The following SEMA3A variants were observed in gnomAD, a reference collection of about 807,000 sequenced individuals.
SEMA3A encodes semaphorin-3A.
SEMA3A carries 29 observed loss-of-function variants against 97.9 expected under a neutral mutation model. The observed-to-expected ratio is 0.30, with a 90% CI of 0.22 to 0.40. The LOEUF is 0.40. SEMA3A is among the 10% of genes least tolerant of loss of function. The probability of loss-of-function intolerance (pLI) is 1.00; values close to 1 mark genes in which losing one functional copy is unlikely to be tolerated. For synonymous variants in SEMA3A, 321 were observed against 323.7 expected (o/e 0.99, Z 0.09); for missense variants, 763 against 951.3 (o/e 0.80, Z 2.60).
intron 4 of SEMA3A, among the ~76,000 whole-genome samples, chr7:84,102,983 A>G (rs1795003104): frequency 1.3e-5 from 2 of 152,108 alleles, no homozygotes; most frequent in African/African-American, 4.8e-5. Context: ...AACTAAGTAT[A>G]TGCTCTTTAT....
chr7:84,026,445 A>G (rs572877984), intron 6 of SEMA3A, among the ~76,000 whole-genome samples: 1 of 152,316 alleles, frequency 6.6e-6, no homozygotes, highest in African/African-American at 2.4e-5. Context: ...GACCTCTAGA[A>G]AGAGTCCCCT....
In SEMA3A at chr7:84,058,070, A is replaced by T. The variant is rs536631704; in HGVS notation, c.547+2395T>A. Among the ~76,000 whole-genome samples, 12 of 152,102 alleles carry T rather than the reference A, an allele frequency of 7.9e-5. No individual in the cohort carries two copies. The South Asian group carries it at 2.1e-3, about 26-fold the overall frequency. On this transcript the variant is annotated intron_variant, in intron 5 of 16. Coordinates refer to ENST00000265362, the MANE Select transcript of SEMA3A (RefSeq NM_006080.3). Reference sequence around the variant, plus strand: ...TTAAAGTTTACTACTGTTTGAAACTACTTCTTTCCTAGTGGGATTGGTGGT... The same window carrying T: ...TTAAAGTTTACTACTGTTTGAAACTTCTTCTTTCCTAGTGGGATTGGTGGT...
At chr7:84,146,855 T>C (rs1796476494) in intron 1 of SEMA3A, among the ~76,000 whole-genome samples, 1 of 152,202 alleles carries the variant, frequency 6.6e-6, no homozygotes, top group Non-Finnish European at 1.5e-5. Context: ...GACTCCTCTA[T>C]AGGCAGGTCT....
chr7:84,314,400 G>T (rs1052505034), intron 2 of SEMA3A, among the ~76,000 whole-genome samples: 2 of 152,238 alleles, frequency 1.3e-5, no homozygotes, highest in South Asian at 4.1e-4. Flanking sequence ...GACATGTAGT[G>T]TAATGGGACA....
intron 6 of SEMA3A, among the ~76,000 whole-genome samples, chr7:84,020,190 C>G (rs554128902): frequency 2.0e-5 from 3 of 151,138 alleles, no homozygotes; most frequent in African/African-American, 7.3e-5. Context: ...GGATTACAGG[C>G]GATGCCACCA....
chr7:84,355,753 A>T (rs1395495073), intron 2 of SEMA3A, among the ~76,000 whole-genome samples: 3 of 151,880 alleles, frequency 2.0e-5, no homozygotes. Flanking sequence ...AGACAATCAA[A>T]CCTAAAGAGA....
chr7:84,260,285 G>T (rs1458383890), intron 3 of SEMA3A, among the ~76,000 whole-genome samples: 2 of 152,140 alleles, frequency 1.3e-5, no homozygotes, highest in African/African-American at 4.8e-5. Context: ...GTATACTACT[G>T]ATGGCAGCGA....
intron 3 of SEMA3A, among the ~76,000 whole-genome samples, chr7:84,117,915 G>C (rs17240716): frequency 0.044 from 6,713 of 152,276 alleles, 193 homozygotes; most frequent in Non-Finnish European, 0.071. Flanking sequence ...TTAACATGAT[G>C]ACTAGCGCTT....
At chr7:84,472,914 T>G (rs1304834993) in intron 1 of SEMA3A, among the ~76,000 whole-genome samples, 2 of 152,170 alleles carry the variant, frequency 1.3e-5, no homozygotes, top group Non-Finnish European at 2.9e-5. Flanking sequence ...CTTTTAATAC[T>G]GCTATTAGTT....
At chr7:84,371,536 A>C (rs759600304) in intron 2 of SEMA3A, among the ~76,000 whole-genome samples, 18 of 151,952 alleles carry the variant, frequency 1.2e-4, no homozygotes, top group Admixed American at 2.6e-4. Context: ...AGAAAATAAA[A>C]TATTAAATCA....
At chr7:84,138,216 A>ATT (rs148939831) in intron 1 of SEMA3A, among the ~76,000 whole-genome samples, 2 of 150,920 alleles carry the variant, frequency 1.3e-5, no homozygotes, top group East Asian at 1.9e-4. Flanking sequence ...AACTATATAT[A>ATT]TTTTTTTTCT....
intron 1 of SEMA3A, among the ~76,000 whole-genome samples, chr7:84,383,300 C>G (rs369985134): frequency 1.3e-5 from 2 of 151,918 alleles, no homozygotes; most frequent in South Asian, 4.2e-4. Flanking sequence ...ATGGAATATT[C>G]TGACTAATAA....
chr7:84,195,343 A>C (rs954560925), upstream of SEMA3A: 97 of 152,198 alleles, frequency 6.4e-4, no homozygotes, highest in African/African-American at 2.1e-3. Flanking sequence ...TGATTTTAAA[A>C]ATCTGAATTC....
chr7:84,361,633 T>TC (rs1802723270), intron 2 of SEMA3A, among the ~76,000 whole-genome samples: 1 of 151,980 alleles, frequency 6.6e-6, no homozygotes, highest in Non-Finnish European at 1.5e-5. Flanking sequence ...AGACTCCTAA[T>TC]TACTAATGAT....
At chr7:84,418,952 T>C (rs1804513708) in intron 1 of SEMA3A, among the ~76,000 whole-genome samples, 1 of 149,140 alleles carries the variant, frequency 6.7e-6, no homozygotes, top group African/African-American at 2.4e-5. Context: ...TACACATATA[T>C]ATATACACAC....
intron 3 of SEMA3A, among the ~76,000 whole-genome samples, chr7:84,120,219 A>G (rs1795565023): frequency 1.3e-5 from 2 of 152,120 alleles, no homozygotes; most frequent in African/African-American, 4.8e-5. Flanking sequence ...ATTAATACCA[A>G]CCTATTTGGC....
chr7:84,370,368 A>G (rs984776364), intron 2 of SEMA3A, among the ~76,000 whole-genome samples: 2 of 151,720 alleles, frequency 1.3e-5, no homozygotes, highest in African/African-American at 2.4e-5. Flanking sequence ...GTGTGTACAC[A>G]TAGGCCAATA....
chr7:84,211,268 A>G lies in SEMA3A; in HGVS notation c.-82-16600T>C, dbSNP rs151083817. Among the ~76,000 whole-genome samples, 306 of 152,290 alleles carry G rather than the reference A, an allele frequency of 2.0e-3. 2 individuals carry two copies. The highest frequency in any genetic ancestry group is 7.1e-3 in the African/African-American group (296 of 41,572). ...TTTGTACAAAGGAGGCAAATATGCT[A>G]GCCTTGGTGAAAGGTTGCGTAAAGA... On this transcript the variant is annotated intron_variant, in intron 3 of 3. Coordinates refer to the SEMA3A transcript ENST00000424555.
intron 1 of SEMA3A, among the ~76,000 whole-genome samples, chr7:84,398,730 C>A (rs62474862): frequency 6.6e-6 from 1 of 151,790 alleles, no homozygotes; most frequent in African/African-American, 2.4e-5. Flanking sequence ...ATCACTAGAG[C>A]CCAGGAGTTT....
Sources: allele counts gnomAD v4.1 joint callset (sites outside exome capture counted in the v4.1 genomes callset), GRCh38; gene constraint gnomAD v4.1.1; transcripts MANE v1.5; gene names NCBI Gene and HGNC (gene_info 2026-07-23, HGNC 2026-07-21).